MAN2A2: variants seen among roughly 807,000 people sequenced by gnomAD.
MAN2A2 encodes mannosidase alpha class 2A member 2.
In MAN2A2, 79 loss-of-function variants were observed where a neutral mutation model predicts 126.8. That is an observed-to-expected ratio of 0.62 (90% CI 0.52 to 0.75). The LOEUF (loss-of-function observed/expected upper bound fraction) is 0.75. MAN2A2 is among the 30% of genes least tolerant of loss of function. The probability of loss-of-function intolerance (pLI) is 0.00; values close to 1 mark genes in which losing one functional copy is unlikely to be tolerated. For missense variants in MAN2A2, 1,392 were observed against 1,522.4 expected (o/e 0.91, Z 1.43); for synonymous variants, 671 against 618.7 (o/e 1.08, Z -1.25).
Position 90,909,419 on chromosome 15 carries a change from A to G in MAN2A2, c.1289A>G (p.Asp430Gly). ...CCTCTTGGAGATGACTTCCGATATG[A>G]CAAGCCCCAGGAGTGGGATGCCCAG... ...LVPLGDDFRY[D>G]KPQEWDAQFF... Residue 430 changes from aspartate (D) to glycine (G), a missense_variant, in exon 9 of 23, where the codon GAC becomes GGC. By Grantham distance (94) the Asp-to-Gly change is moderately conservative. Transcript: ENST00000559717. The G allele has an allele frequency of 1.2e-6, 2 of 1,614,092 alleles. No individual in the cohort carries two copies. Among genetic ancestry groups the G allele is most frequent in the Non-Finnish European group, 8.5e-7 (1 of 1,179,994 alleles).
In MAN2A2 at chr15:90,905,539, T is replaced by C. The variant is rs537964239; in HGVS notation, c.390+31T>C. The C allele has an allele frequency of 4.4e-5, 71 of 1,613,908 alleles. No individual in the cohort carries two copies. In the Middle Eastern group the frequency reaches 6.6e-4, roughly 15 times the overall value. ...AGTCAGAGCTGGCAGGGACGTACAG[T>C]GGCCACGACTGGGGTACTGAGCTGC... On this transcript the variant is annotated intron_variant, in intron 3 of 22. Coordinates refer to ENST00000559717, the MANE Select transcript of MAN2A2 (RefSeq NM_006122.4).
rs1171861180 is a variant in MAN2A2, at chr15:90,906,734, G to A, written c.836-6G>A. ...AGGGCCTCTCTGGCTTCCATGCCCTGCCCAGGTGCAACCCCCCGCTCTGGC... is the reference window on the plus strand; with the variant it reads ...AGGGCCTCTCTGGCTTCCATGCCCTACCCAGGTGCAACCCCCCGCTCTGGC... On this transcript the variant is annotated splice_polypyrimidine_tract_variant and splice_region_variant and intron_variant, in intron 6 of 22. Transcript: ENST00000559717. 2 of 1,610,382 alleles carry A rather than the reference G, an allele frequency of 1.2e-6. No individual in the cohort carries two copies. Among genetic ancestry groups the A allele is most frequent in the East Asian group, 2.2e-5 (1 of 44,898 alleles).
chr15:90,916,741 T>G, intron 20 of MAN2A2: 2 of 1,058,510 alleles, frequency 1.9e-6, no homozygotes, highest in Admixed American at 4.6e-5. Context: ...AGCCCGCCAC[T>G]CAGTCACTCG....
At chr15:90,913,132 A>G in intron 17 of MAN2A2, 141 bp downstream of exon 17, 1 of 1,236,984 alleles carries the variant, frequency 8.1e-7, no homozygotes, top group South Asian at 1.4e-5. Flanking sequence ...TTGGAGAAAA[A>G]GTCATCCAGA....
Position 90,905,229 on chromosome 15 carries a change from T to A in MAN2A2, c.133-22T>A, listed in dbSNP as rs769952059. 1.9e-6 allele frequency: 3 copies of A among 1,607,464 alleles called. No individual in the cohort carries two copies. In the South Asian group the frequency reaches 3.3e-5, roughly 18 times the overall value. Reference sequence around the variant, plus strand: ...CTGTGGCATAAGGAGCTGTGTGTGATTGCTTTCTGGTTTTTTGGCAGAGCC... The same window carrying A: ...CTGTGGCATAAGGAGCTGTGTGTGAATGCTTTCTGGTTTTTTGGCAGAGCC... On this transcript the variant is annotated intron_variant, in intron 2 of 22. Transcript: ENST00000559717.
intron 16 of MAN2A2, 41 bp downstream of exon 16, chr15:90,912,705 G>T (rs773116334): frequency 3.7e-6 from 6 of 1,612,644 alleles, no homozygotes; most frequent in Non-Finnish European, 5.1e-6. Flanking sequence ...AGGGAGGGCA[G>T]GAGGGGGCAC....
chr15:90,913,072 C>T (rs2151315907), intron 17 of MAN2A2, 81 bp downstream of exon 17: 3 of 1,227,648 alleles, frequency 2.4e-6, no homozygotes, highest in South Asian at 2.6e-5. Context: ...TGCTGCTTCT[C>T]TGTTCATACC....
In MAN2A2 at chr15:90,911,249, C is replaced by A; in HGVS notation, c.1943+11C>A. 6.2e-7 allele frequency: 1 copy of A among 1,614,062 alleles called. No individual in the cohort carries two copies. The highest frequency in any genetic ancestry group is 8.5e-7 in the Non-Finnish European group (1 of 1,179,962). Reference sequence around the variant, plus strand: ...GGATTCCTCGCCCAGGTAACCTGGACTACGCCATGTGCAGAGAGGCAGAGC... The same window carrying A: ...GGATTCCTCGCCCAGGTAACCTGGAATACGCCATGTGCAGAGAGGCAGAGC... On this transcript the variant is annotated intron_variant, in intron 13 of 22. Transcript: ENST00000559717.
intron 14 of MAN2A2, 160 bp downstream of exon 14, chr15:90,911,710 T>A (rs2034760572): frequency 1.3e-6 from 1 of 781,472 alleles, no homozygotes; most frequent in Admixed American, 2.9e-5. Flanking sequence ...ACAGGCACTC[T>A]TGGGATTTGA....
At chr15:90,911,995 T>G in intron 14 of MAN2A2, 48 bp from the exon 15 acceptor site, 1 of 1,511,564 alleles carries the variant, frequency 6.6e-7, no homozygotes, top group Non-Finnish European at 9.1e-7. Flanking sequence ...TCAGCACCCC[T>G]GTGGCGAAAG....
chr15:90,918,653 C>T lies in MAN2A2; in HGVS notation c.3198C>T (p.Thr1066=). 1 of 1,517,962 alleles carries T rather than the reference C, an allele frequency of 6.6e-7. No homozygotes were observed. Among genetic ancestry groups the T allele is most frequent in the Non-Finnish European group, 9.1e-7 (1 of 1,093,256 alleles). The allele number at this position is 1,517,962 out of a possible 1,614,324, so 94.0% of individuals were successfully genotyped here. A position where few individuals can be genotyped will look rare whatever the true frequency, so the allele number is the denominator to read the frequency against. ...CACTGTCTGTCATCCAGGAGGACAC[C>T]CTACCCTCGGCGGAGACCGCACTCA... is the stretch of plus-strand genomic sequence containing the variant. ...NLRTLQAEED[T]LPSAETALIL... The change falls in exon 22 of 23, where the codon ACC becomes ACT. Residue 1066 remains threonine (T), a synonymous_variant. Coordinates refer to ENST00000559717, the MANE Select transcript of MAN2A2 (RefSeq NM_006122.4).
Position 90,905,582 on chromosome 15 carries a change from C to G in MAN2A2, c.394C>G (p.Leu132Val). 6.2e-7 allele frequency: 1 copy of G among 1,614,178 alleles called. No individual in the cohort carries two copies. The highest frequency in any genetic ancestry group is 8.5e-7 in the Non-Finnish European group (1 of 1,180,048). ...GRGQKPELQM[L>V]TVSEELPFDN... Reference sequence around the variant, plus strand: ...TGAGCTGCAGTTCACCTGGCAGATGCTCACTGTGTCGGAGGAGCTGCCGTT... The same window carrying G: ...TGAGCTGCAGTTCACCTGGCAGATGGTCACTGTGTCGGAGGAGCTGCCGTT... Residue 132 changes from leucine to valine, a missense_variant, in exon 4 of 23, where the codon CTC (leucine) becomes GTC (valine). Transcript: ENST00000559717.
intron 19 of MAN2A2, 150 bp from the exon 20 acceptor site, chr15:90,915,973 G>A (rs982020737): frequency 1.7e-5 from 13 of 770,788 alleles, no homozygotes; most frequent in Admixed American, 3.0e-5. Context: ...CCTCCCAGCC[G>A]TGGGAACCCG....
In MAN2A2 at chr15:90,905,454, C is replaced by T. The variant is rs143801767; in HGVS notation, c.336C>T (p.Ser112=). Residue 112 remains serine (S), a synonymous_variant, in exon 3 of 23, where the codon TCC becomes TCT. Coordinates refer to ENST00000559717, the MANE Select transcript of MAN2A2 (RefSeq NM_006122.4). ...PEPRPSFFSI[S]PQDCQFALGG... is the part of the protein sequence containing the mutation. ...CCCGGCCCAGCTTCTTCTCCATCTCCCCGCAGGACTGCCAGTTTGCTTTGG... is the reference window on the plus strand; with the variant it reads ...CCCGGCCCAGCTTCTTCTCCATCTCTCCGCAGGACTGCCAGTTTGCTTTGG... 6.8e-6 allele frequency: 11 copies of T among 1,613,962 alleles called. No individual in the cohort carries two copies. The African/African-American group carries it at 8.0e-5, about 12-fold the overall frequency.
intron 2 of MAN2A2, among the ~76,000 whole-genome samples, chr15:90,904,612 CAG>C (rs2034113002): frequency 6.7e-6 from 1 of 148,356 alleles, no homozygotes; most frequent in Non-Finnish European, 1.5e-5. Flanking sequence ...TTTTTTGAGA[CAG>C]AGTCTCGCTC....
chr15:90,911,032 G>T, intron 12 of MAN2A2, 71 bp downstream of exon 12: 1 of 1,495,560 alleles, frequency 6.7e-7, no homozygotes, highest in Non-Finnish European at 9.3e-7. Flanking sequence ...CTGCTGGATG[G>T]GGGTGCCGCT....
At position 90,919,823 on chromosome 15, in the gene MAN2A2, G is replaced by C. The variant is rs1367289084; in HGVS notation, c.*36G>C. 3.1e-6 allele frequency: 5 copies of C among 1,611,550 alleles called. No homozygotes were observed. On this transcript the variant is annotated 3_prime_UTR_variant, in exon 23 of 23. Coordinates refer to ENST00000559717, the MANE Select transcript of MAN2A2 (RefSeq NM_006122.4). ...GGCCTGAAGAGAAAGTTCATTCACA[G>C]AGACTGCCTCTTAACATGAAGATCA...
intron 5 of MAN2A2, 86 bp from the exon 6 acceptor site, chr15:90,906,284 C>T: frequency 1.3e-6 from 2 of 1,556,294 alleles, no homozygotes; most frequent in Non-Finnish European, 1.8e-6. Context: ...CCAGTGAGGC[C>T]AGTGCACACA....
Position 90,919,864 on chromosome 15 carries a change from G to A in MAN2A2, c.*77G>A, listed in dbSNP as rs1340037200. 3.9e-6 allele frequency: 6 copies of A among 1,536,742 alleles called. No homozygotes were observed. The African/African-American group carries it at 5.5e-5, about 14-fold the overall frequency. On this transcript the variant is annotated 3_prime_UTR_variant, in exon 23 of 23. Transcript: ENST00000559717. ...ATGAAGATCATTGGACAAGCCACAC[G>A]GGTATCCCATCCCGATCTGCCTCCC...
Sources: gnomAD v4.1 joint callset for allele counts (sites outside exome capture counted in the v4.1 genomes callset) on GRCh38, gnomAD v4.1.1 for gene constraint, MANE v1.5 for transcripts, NCBI Gene and HGNC (gene_info 2026-07-23, HGNC 2026-07-21) for gene names.